The following RUBCNL variants were observed in gnomAD, a reference collection of about 807,000 sequenced individuals.
RUBCNL encodes the protein rubicon like autophagy enhancer.
In RUBCNL, 62 loss-of-function variants were observed where a neutral mutation model predicts 69.5. The ratio of observed to expected loss-of-function variants is 0.89; its 90% CI spans 0.73 to 1.10. The LOEUF is 1.10. RUBCNL is among the 50% of genes least tolerant of loss of function. The pLI, the probability that RUBCNL is intolerant of heterozygous loss-of-function variation, is 0.00. For missense variants in RUBCNL, 768 were observed against 798.1 expected (o/e 0.96, Z 0.45); for synonymous variants, 291 against 303.6 (o/e 0.96, Z 0.43).
In RUBCNL at chr13:46,342,182, T is replaced by C. The variant is rs1409779250; in HGVS notation, c.*1203A>G. 2 of 152,250 alleles carry C rather than the reference T, an allele frequency of 1.3e-5. No homozygotes were observed. The highest frequency in any genetic ancestry group is 2.4e-5 in the African/African-American group (1 of 41,470). 9.4% of individuals were successfully genotyped at this position (152,250 alleles called of 1,614,324 possible). On this transcript the variant is annotated 3_prime_UTR_variant, in exon 15 of 15. Transcript: ENST00000429979. ...ACAGAAGTCATTCATTTCTTTCATGTGCTCAGTACTATCCCATTGAATAAA... is the reference window on the plus strand; with the variant it reads ...ACAGAAGTCATTCATTTCTTTCATGCGCTCAGTACTATCCCATTGAATAAA...
At chr13:46,364,528 A>G (rs985690773) in intron 5 of RUBCNL, among the ~76,000 whole-genome samples, 2 of 152,146 alleles carry the variant, frequency 1.3e-5, no homozygotes, top group Non-Finnish European at 2.9e-5. Flanking sequence ...AATGGGGGTA[A>G]GAGCACCCAT....
rs2049144275 is a variant in RUBCNL, at chr13:46,382,657, C to A, written c.-239+4477G>T. On this transcript the variant is annotated intron_variant, in intron 1 of 14. Transcript: ENST00000429979. The stretch of plus-strand genomic sequence containing the variant: ...AGGCGATTCTCCTTGCCTTAACCTC[C>A]CAAGTAGCTGGGATTACAGGCGCCC... Among the ~76,000 whole-genome samples, 6 of 152,288 alleles carry A rather than the reference C, an allele frequency of 3.9e-5. No individual in the cohort carries two copies. The South Asian group carries it at 1.0e-3, about 26-fold the overall frequency.
At chr13:46,384,493 C>G (rs183654933) in intron 1 of RUBCNL, among the ~76,000 whole-genome samples, 1 of 152,252 alleles carries the variant, frequency 6.6e-6, no homozygotes, top group East Asian at 1.9e-4. Flanking sequence ...CGTACTTACT[C>G]TACAATTTTC....
intron 2 of RUBCNL, among the ~76,000 whole-genome samples, chr13:46,375,005 C>T (rs1423715110): frequency 6.6e-6 from 1 of 152,208 alleles, no homozygotes; most frequent in Non-Finnish European, 1.5e-5. Context: ...ATCATTACCT[C>T]TCACATCACC....
Position 46,365,131 on chromosome 13 carries a change from C to T in RUBCNL, c.827-1918G>A, listed in dbSNP as rs367676064. ...CAGCCTGGCCAACATGGTGAAAGCT[C>T]GTCTCTACTAAAAATACAAAAATTA... On this transcript the variant is annotated intron_variant, in intron 5 of 14. Coordinates refer to ENST00000429979, the MANE Select transcript of RUBCNL (RefSeq NM_025113.5). Among the ~76,000 whole-genome samples the T allele has an allele frequency of 3.6e-3, 540 of 151,746 alleles. 5 individuals carry two copies. The highest frequency in any genetic ancestry group is 0.012 in the African/African-American group (512 of 41,370).
At chr13:46,372,838 AT>A (rs2048908915) in intron 2 of RUBCNL, among the ~76,000 whole-genome samples, 1 of 152,342 alleles carries the variant, frequency 6.6e-6, no homozygotes, top group South Asian at 2.1e-4. Flanking sequence ...AAATTAAGAA[AT>A]CACAAAGGAT....
chr13:46,359,529 G>A lies in RUBCNL; in HGVS notation c.1222C>T (p.Pro408Ser), dbSNP rs201591771. Residue 408 changes from proline (P) to serine (S), a missense_variant, in exon 9 of 15, where the codon CCT (proline) becomes TCT (serine). Coordinates refer to ENST00000429979, the MANE Select transcript of RUBCNL (RefSeq NM_025113.5). ...SRIRGTEDWA[P>S]PRFQIIFNIH... ...TTAAATATGATTTGAAATCTAGGAG[G>A]AGCCCAGTCTTCAGTCCCTCTGATC... The A allele has an allele frequency of 1.1e-5, 18 of 1,597,502 alleles. No homozygotes were observed. The highest frequency in any genetic ancestry group is 1.7e-5 in the Admixed American group (1 of 57,312).
chr13:46,384,545 G>C (rs534705880), intron 1 of RUBCNL, among the ~76,000 whole-genome samples: 2 of 151,786 alleles, frequency 1.3e-5, no homozygotes, highest in African/African-American at 4.8e-5. Context: ...GCTTACTGTG[G>C]GTGCTTTTCA....
intron 13 of RUBCNL, 148 bp downstream of exon 13, chr13:46,345,299 T>A (rs2048221778): frequency 1.1e-6 from 1 of 937,616 alleles, no homozygotes; most frequent in Non-Finnish European, 1.6e-6. Context: ...CAGCTGTTAC[T>A]TCACAGCTCT....
In RUBCNL at chr13:46,345,545, A is replaced by G; in HGVS notation, c.1687T>C (p.Phe563Leu). The G allele has an allele frequency of 6.2e-7, 1 of 1,613,470 alleles. No homozygotes were observed. Among genetic ancestry groups the G allele is most frequent in the Non-Finnish European group, 8.5e-7 (1 of 1,179,698 alleles). Residue 563 changes from phenylalanine to leucine, a missense_variant, in exon 13 of 15, where the codon TTC becomes CTC. Phe to Leu is a conservative substitution (Grantham distance 22). Transcript: ENST00000429979. ...ATCCTGACCAGGTCCTCAAGGGAGAACAGGTGGAGCTCATCAGTCAAGTGT... is the reference window on the plus strand; with the variant it reads ...ATCCTGACCAGGTCCTCAAGGGAGAGCAGGTGGAGCTCATCAGTCAAGTGT... ...PGHLTDELHL[F>L]SLEDLVRIKK...
At chr13:46,349,541 C>A (rs553998383) in intron 11 of RUBCNL, among the ~76,000 whole-genome samples, 194 bp from the exon 12 acceptor site, 1 of 152,292 alleles carries the variant, frequency 6.6e-6, no homozygotes, top group South Asian at 2.1e-4. Flanking sequence ...CTGGATGGAT[C>A]CAGGTTTTGT....
intron 10 of RUBCNL, among the ~76,000 whole-genome samples, chr13:46,354,103 T>G (rs1018580222): frequency 6.6e-6 from 1 of 152,240 alleles, no homozygotes; most frequent in Non-Finnish European, 1.5e-5. Context: ...GTTTTTAATT[T>G]TTTTGGTGTG....
At chr13:46,344,704 C>G in intron 14 of RUBCNL, 37 bp downstream of exon 14, 1 of 1,332,374 alleles carries the variant, frequency 7.5e-7, no homozygotes, top group Non-Finnish European at 1.1e-6. Context: ...AATTAGTTAA[C>G]CTATTATTAA....
rs144072681 is a variant in RUBCNL, at chr13:46,361,444, C to T, written c.1116G>A (p.Ser372=). 139 of 1,613,234 alleles carry T rather than the reference C, an allele frequency of 8.6e-5. No homozygotes were observed. Among genetic ancestry groups the T allele is most frequent in the African/African-American group, 4.0e-4 (30 of 74,972 alleles). Residue 372 remains serine, a synonymous_variant, in exon 8 of 15, where the codon TCG becomes TCA. Transcript: ENST00000429979. ...GTCAATTTTTTTTGATACTTACTAT[C>T]GAGCCAGCTGCACTCAGGGAACCTG... ...QLAGSLSAAG[S]IVVNEECVRK...
intron 5 of RUBCNL, 101 bp downstream of exon 5, chr13:46,367,941 C>A: frequency 8.8e-7 from 1 of 1,135,754 alleles, no homozygotes; most frequent in South Asian, 1.3e-5. Flanking sequence ...CAGGCTTCCA[C>A]TGGGAGTCTT....
chr13:46,367,928 G>A, intron 5 of RUBCNL, 114 bp downstream of exon 5: 1 of 1,003,690 alleles, frequency 1.0e-6, no homozygotes, highest in Non-Finnish European at 1.5e-6. Context: ...CTATCTGAAG[G>A]TTCAGGCTTC....
intron 1 of RUBCNL, among the ~76,000 whole-genome samples, chr13:46,380,670 T>C (rs555570105): frequency 6.6e-6 from 1 of 152,286 alleles, no homozygotes; most frequent in East Asian, 1.9e-4. Flanking sequence ...CATACTTGTA[T>C]AAAAAAACTT....
intron 10 of RUBCNL, among the ~76,000 whole-genome samples, chr13:46,352,897 C>G (rs921712510): frequency 4.6e-5 from 7 of 152,220 alleles, no homozygotes; most frequent in Admixed American, 4.6e-4. Flanking sequence ...TGCCACAGAT[C>G]AGTTAAATGT....
intron 12 of RUBCNL, among the ~76,000 whole-genome samples, chr13:46,347,464 C>T (rs1003646286): frequency 1.3e-5 from 2 of 152,038 alleles, no homozygotes; most frequent in African/African-American, 4.8e-5. Flanking sequence ...CTATATCCAT[C>T]GGTATGTCCT....
Sources: allele counts gnomAD v4.1 joint callset (sites outside exome capture counted in the v4.1 genomes callset), GRCh38; gene constraint gnomAD v4.1.1; transcripts MANE v1.5; gene names NCBI Gene and HGNC (gene_info 2026-07-23, HGNC 2026-07-21).